PPM1H: variants seen among roughly 807,000 people sequenced by gnomAD.
PPM1H encodes the protein protein phosphatase 1H.
In PPM1H, 27 loss-of-function variants were observed where a neutral mutation model predicts 54.9. The observed-to-expected ratio is 0.49, with a 90% CI of 0.36 to 0.68. The LOEUF is 0.68. PPM1H is among the 30% of genes least tolerant of loss of function. PPM1H has a pLI of 0.00. For synonymous variants in PPM1H, 305 were observed against 270.8 expected, an observed-to-expected ratio of 1.13 and a Z score of -1.24; for missense variants, 596 against 667.8, an observed-to-expected ratio of 0.89 and a Z score of 1.19.
At chr12:62,910,133 T>C (rs1871411326) in intron 1 of PPM1H, among the ~76,000 whole-genome samples, 1 of 151,436 alleles carries the variant, frequency 6.6e-6, no homozygotes, top group African/African-American at 2.4e-5. Context: ...AAGCCTGGAG[T>C]GGAGAAGAAA....
rs1275514495 is a variant in PPM1H at position 62,925,290 on chromosome 12, G to A, written c.245+9202C>T. Among the ~76,000 whole-genome samples, 3 of 152,070 alleles carry A rather than the reference G, an allele frequency of 2.0e-5. No homozygotes were observed. The East Asian group carries it at 5.8e-4, about 29-fold the overall frequency. ...GATGAGCAAAAGAAATAAAATAACAGGGAGCAGGTGGGGTACAGTGACTCA... is the reference window on the plus strand; with the variant it reads ...GATGAGCAAAAGAAATAAAATAACAAGGAGCAGGTGGGGTACAGTGACTCA... On this transcript the variant is annotated intron_variant, in intron 1 of 9. Transcript: ENST00000228705.
rs775282104 is a variant in PPM1H, at chr12:62,934,617, G to A, written c.120C>T (p.Pro40=). The change falls in exon 1 of 10, where the codon CCC becomes CCT. Residue 40 remains proline (P), a synonymous_variant. Transcript: ENST00000228705. The surrounding 1 kb of genome is among the most constrained non-coding windows in gnomAD (Gnocchi z 4.2). ...GCCCCAGGAACTCTGGCCGCCCGTAGGGGAAACGCAGGGGCAGGTCCGAGC... is the reference window on the plus strand; with the variant it reads ...GCCCCAGGAACTCTGGCCGCCCGTAAGGGAAACGCAGGGGCAGGTCCGAGC... ...CGGSDLPLRF[P]YGRPEFLGLS... The A allele has an allele frequency of 5.7e-6, 9 of 1,588,212 alleles. No homozygotes were observed. The African/African-American group carries it at 8.1e-5, about 14-fold the overall frequency.
intron 1 of PPM1H, among the ~76,000 whole-genome samples, chr12:62,904,530 C>T (rs752851938): frequency 2.6e-5 from 4 of 152,160 alleles, no homozygotes; most frequent in African/African-American, 4.8e-5. Context: ...CTGCACCCGA[C>T]GGCTTCATGG....
At chr12:62,699,341 C>T (rs761401783) in intron 6 of PPM1H, among the ~76,000 whole-genome samples, 21 of 152,264 alleles carry the variant, frequency 1.4e-4, no homozygotes, top group East Asian at 1.3e-3. Context: ...GGATTACAGG[C>T]GTGCGCCACT....
At chr12:62,688,870 C>T (rs1195617777) in intron 8 of PPM1H, among the ~76,000 whole-genome samples, 1 of 152,172 alleles carries the variant, frequency 6.6e-6, no homozygotes, top group African/African-American at 2.4e-5. Context: ...GTGGTGTGTG[C>T]CTGTAGTCCC....
intron 1 of PPM1H, among the ~76,000 whole-genome samples, chr12:62,856,678 T>A (rs572280002): frequency 6.6e-6 from 1 of 152,188 alleles, no homozygotes; most frequent in Non-Finnish European, 1.5e-5. Context: ...CCCATAAATA[T>A]GTACAACTAT....
In PPM1H at chr12:62,921,717, T is replaced by C. The variant is rs1344666343; in HGVS notation, c.245+12775A>G. Among the ~76,000 whole-genome samples, 10 of 151,946 alleles carry C rather than the reference T, an allele frequency of 6.6e-5. 1 individual carries two copies. Among genetic ancestry groups the C allele is most frequent in the Admixed American group, 6.6e-4 (10 of 15,254 alleles). The stretch of plus-strand genomic sequence containing the variant: ...GGGAAGATCACTTGAGCCCATAGGG[T>C]GATATGATTGTGCCTGTGAACAGCT... On this transcript the variant is annotated intron_variant, in intron 1 of 9. Coordinates refer to ENST00000228705, the MANE Select transcript of PPM1H (RefSeq NM_020700.2).
intron 8 of PPM1H, among the ~76,000 whole-genome samples, chr12:62,687,071 G>C (rs559765987): frequency 1.3e-5 from 2 of 152,338 alleles, no homozygotes; most frequent in South Asian, 4.1e-4. Context: ...AATTGGGAGA[G>C]TGAGAAACTG....
At chr12:62,921,713 A>T (rs916311722) in intron 1 of PPM1H, among the ~76,000 whole-genome samples, 3 of 152,206 alleles carry the variant, frequency 2.0e-5, no homozygotes, top group African/African-American at 7.2e-5. Context: ...TTGAGCCCAT[A>T]GGGTGATATG....
At chr12:62,863,136 TCAGCCTC>T (rs543248547) in intron 1 of PPM1H, among the ~76,000 whole-genome samples, 19 of 151,870 alleles carry the variant, frequency 1.3e-4, no homozygotes, top group Non-Finnish European at 2.2e-4. Context: ...TCCTTCCACC[TCAGCCTC>T]CAGCATAGCT....
intron 1 of PPM1H, among the ~76,000 whole-genome samples, chr12:62,868,475 T>C (rs551332429): frequency 2.6e-5 from 4 of 152,156 alleles, no homozygotes; most frequent in South Asian, 4.2e-4. Flanking sequence ...CTCCCCCAAA[T>C]AGATAAACCC....
intron 2 of PPM1H, among the ~76,000 whole-genome samples, chr12:62,824,721 C>T (rs1024123794): frequency 6.6e-6 from 1 of 152,110 alleles, no homozygotes; most frequent in Non-Finnish European, 1.5e-5. Flanking sequence ...AAACTGGATC[C>T]CTTCCTTACA....
In PPM1H at chr12:62,875,372, C is replaced by A. The variant is rs141210865; in HGVS notation, c.246-43093G>T. Among the ~76,000 whole-genome samples the A allele has an allele frequency of 2.3e-4, 35 of 152,260 alleles. 1 individual carries two copies. In the East Asian group the frequency reaches 4.3e-3, roughly 18 times the overall value. The stretch of plus-strand genomic sequence containing the variant: ...TGAGCTTGCTCTGATCTTAAAAGGT[C>A]ACACTAAACCTTAGGAAGGCAAATT... On this transcript the variant is annotated intron_variant, in intron 1 of 9. Coordinates refer to ENST00000228705, the MANE Select transcript of PPM1H (RefSeq NM_020700.2).
intron 2 of PPM1H, among the ~76,000 whole-genome samples, chr12:62,806,668 G>T (rs748082529): frequency 1.3e-5 from 2 of 152,052 alleles, no homozygotes; most frequent in Non-Finnish European, 2.9e-5. Flanking sequence ...TCCTTCTCTG[G>T]CCATGTAAGA....
chr12:62,679,907 G>A (rs2076009421), intron 8 of PPM1H, among the ~76,000 whole-genome samples: 1 of 152,142 alleles, frequency 6.6e-6, no homozygotes. Context: ...ACTTAGTCCT[G>A]GAAAGACAGA....
At chr12:62,851,020 A>C (rs1869166584) in intron 1 of PPM1H, 1 of 152,240 alleles carries the variant, frequency 6.6e-6, no homozygotes, top group Non-Finnish European at 1.5e-5. Flanking sequence ...TATCAATATG[A>C]AGTCAACTGT....
chr12:62,746,367 T>C (rs1235638889), intron 4 of PPM1H, among the ~76,000 whole-genome samples: 5 of 152,162 alleles, frequency 3.3e-5, no homozygotes, highest in Admixed American at 2.6e-4. Flanking sequence ...TCAGTGGCCA[T>C]AGGGAAATTT....
intron 5 of PPM1H, among the ~76,000 whole-genome samples, chr12:62,723,404 A>G (rs1488846254): frequency 2.0e-5 from 3 of 152,142 alleles, no homozygotes; most frequent in African/African-American, 7.2e-5. Flanking sequence ...ACAAATGAAC[A>G]TGTTATGGTC....
intron 4 of PPM1H, among the ~76,000 whole-genome samples, chr12:62,767,865 C>A (rs1322174652): frequency 3.3e-5 from 5 of 152,174 alleles, no homozygotes; most frequent in African/African-American, 1.2e-4. Flanking sequence ...GTCTTCTTAA[C>A]CCGTCTCTAC....
Sources: gnomAD v4.1 joint callset for allele counts (sites outside exome capture counted in the v4.1 genomes callset) on GRCh38, gnomAD v4.1.1 for gene constraint, Gnocchi (gnomAD v3.1) non-coding constraint, MANE v1.5 for transcripts, NCBI Gene and HGNC (gene_info 2026-07-23, HGNC 2026-07-21) for gene names.